The following DLG2 variants were observed in gnomAD, a reference collection of about 807,000 sequenced individuals.
DLG2 encodes the protein discs large MAGUK scaffold protein 2.
In DLG2, 45 loss-of-function variants were observed where a neutral mutation model predicts 132.5. The ratio of observed to expected loss-of-function variants is 0.34; its 90% CI spans 0.27 to 0.44. The LOEUF (loss-of-function observed/expected upper bound fraction) is 0.44, where lower values mean the gene tolerates loss of function less well. DLG2 is among the 20% of genes least tolerant of loss of function. DLG2 has a pLI of 1.00. For missense variants in DLG2, 1,045 were observed against 1,196.9 expected (o/e 0.87, Z 1.87); for synonymous variants, 424 against 419.6 (o/e 1.01, Z -0.13).
At chr11:85,255,716 G>C (rs1270901497) in intron 4 of DLG2, among the ~76,000 whole-genome samples, 1 of 152,020 alleles carries the variant, frequency 6.6e-6, no homozygotes, top group Non-Finnish European at 1.5e-5. Context: ...TTATATGTTT[G>C]GTCTTTGCAT....
chr11:84,718,946 T>A (rs907519571), intron 6 of DLG2, among the ~76,000 whole-genome samples: 2 of 152,148 alleles, frequency 1.3e-5, no homozygotes, highest in Admixed American at 6.6e-5. Flanking sequence ...GTGTAACCTA[T>A]CATATTGAGT....
At chr11:84,727,656 G>A (rs1329838287) in intron 6 of DLG2, among the ~76,000 whole-genome samples, 2 of 152,044 alleles carry the variant, frequency 1.3e-5, no homozygotes, top group Non-Finnish European at 2.9e-5. Context: ...TAGGTTGATG[G>A]AGATAGCACT....
At chr11:84,714,595 T>TC (rs2060895785) in intron 6 of DLG2, among the ~76,000 whole-genome samples, 8 of 103,888 alleles carry the variant, frequency 7.7e-5, no homozygotes, top group African/African-American at 3.2e-4. Flanking sequence ...CTCTTTCTCT[T>TC]TCTTTCTCTT....
intron 7 of DLG2, among the ~76,000 whole-genome samples, chr11:84,509,693 A>G (rs547053530): frequency 2.0e-5 from 3 of 152,336 alleles, no homozygotes; most frequent in Admixed American, 6.5e-5. Flanking sequence ...TACAAAATCT[A>G]TATGTTTAAA....
In DLG2 at chr11:84,720,507, G is replaced by A. The variant is rs78670750; in HGVS notation, c.358-185776C>T. ...GCTGCCGCTTCGATCACTGCCCCCT[G>A]CACCCGCCGTGGCCATCCCGGAGCC... On this transcript the variant is annotated intron_variant, in intron 6 of 27. Coordinates refer to ENST00000376104, the MANE Select transcript of DLG2 (RefSeq NM_001142699.3). The A allele has an allele frequency of 4.0e-3, 3,970 of 984,530 alleles. 123 individuals carry two copies. The African/African-American group carries it at 0.063, about 16-fold the overall frequency. The allele number at this position is 984,530 out of a possible 1,614,324, so 61.0% of individuals were successfully genotyped here.
chr11:84,084,403 G>A (rs926418781), intron 10 of DLG2, among the ~76,000 whole-genome samples: 1 of 152,166 alleles, frequency 6.6e-6, no homozygotes, highest in African/African-American at 2.4e-5. Context: ...GGATAGTGGT[G>A]GGGGAGAGGG....
At chr11:83,987,347 T>C (rs1212471805) in intron 11 of DLG2, among the ~76,000 whole-genome samples, 2 of 152,148 alleles carry the variant, frequency 1.3e-5, no homozygotes, top group South Asian at 2.1e-4. Flanking sequence ...AAAAAACTAC[T>C]TTAAAGTTCA....
chr11:83,479,703 A>T (rs999324577), intron 22 of DLG2, among the ~76,000 whole-genome samples: 1 of 152,098 alleles, frequency 6.6e-6, no homozygotes, highest in Non-Finnish European at 1.5e-5. Flanking sequence ...AAAGACCAGA[A>T]ATAACTTTTA....
intron 17 of DLG2, among the ~76,000 whole-genome samples, chr11:83,831,872 G>A (rs1479550694): frequency 6.6e-6 from 1 of 151,906 alleles, no homozygotes; most frequent in Non-Finnish European, 1.5e-5. Flanking sequence ...GAAGGAGACA[G>A]CCAATAAATA....
At chr11:85,426,314 C>T (rs182411297) in intron 3 of DLG2, among the ~76,000 whole-genome samples, 135 of 152,266 alleles carry the variant, frequency 8.9e-4, no homozygotes, top group African/African-American at 2.9e-3. Context: ...CATCTGAGAA[C>T]GGACAGACTG....
intron 6 of DLG2, among the ~76,000 whole-genome samples, chr11:84,819,076 T>TAC (rs111644735): frequency 0.017 from 2,148 of 129,504 alleles, 56 homozygotes; most frequent in African/African-American, 0.044. Flanking sequence ...CACTCACAAA[T>TAC]ACACACACAC....
At chr11:84,755,615 G>T (rs1385702049) in intron 6 of DLG2, among the ~76,000 whole-genome samples, 4 of 152,142 alleles carry the variant, frequency 2.6e-5, no homozygotes, top group Non-Finnish European at 5.9e-5. Context: ...AGTGGAGACG[G>T]GGTTACACCG....
chr11:83,975,190 G>A (rs1459445696), intron 12 of DLG2, among the ~76,000 whole-genome samples: 1 of 151,914 alleles, frequency 6.6e-6, no homozygotes, highest in Non-Finnish European at 1.5e-5. Context: ...GCTTAATAAA[G>A]CCAATATGTG....
rs1198186234 is a variant in DLG2 at position 83,643,931 on chromosome 11, GTC to G, written c.1826-10608_1826-10607del. Among the ~76,000 whole-genome samples, 3 of 151,678 alleles carry G rather than the reference GTC, an allele frequency of 2.0e-5. No individual in the cohort carries two copies. In the East Asian group the frequency reaches 5.8e-4, roughly 29 times the overall value. On this transcript the variant is annotated intron_variant, in intron 18 of 27. Coordinates refer to ENST00000376104, the MANE Select transcript of DLG2 (RefSeq NM_001142699.3). The stretch of plus-strand genomic sequence containing the variant: ...TCCTGACATGAACATGTCCATGGCT[GTC>G]TCAGACTTGTTTGGTTACCCTAAGT...
At chr11:84,410,574 C>CTTTTTTTTTTTTTTTTTTTTTTT (rs367980167) in intron 7 of DLG2, among the ~76,000 whole-genome samples, 1 of 109,128 alleles carries the variant, frequency 9.2e-6, no homozygotes, top group Non-Finnish European at 1.8e-5. Flanking sequence ...ACCACATAAA[C>CTTTTTTTTTTTTTTTTTTTTTTT]TTTTTTTTTT....
chr11:84,970,998 T>A (rs372602172), intron 6 of DLG2, among the ~76,000 whole-genome samples: 1 of 152,164 alleles, frequency 6.6e-6, no homozygotes, highest in Non-Finnish European at 1.5e-5. Flanking sequence ...TTTAAATTAC[T>A]TGGGGTATAA....
intron 7 of DLG2, among the ~76,000 whole-genome samples, chr11:84,533,706 G>T (rs2099348221): frequency 6.6e-6 from 1 of 151,856 alleles, no homozygotes; most frequent in South Asian, 2.1e-4. Flanking sequence ...GTGTAGAAGT[G>T]CTGGCAAAAT....
chr11:84,213,546 G>A (rs760973211), intron 8 of DLG2, among the ~76,000 whole-genome samples: 6 of 152,134 alleles, frequency 3.9e-5, no homozygotes, highest in South Asian at 2.1e-4. Context: ...GAGGCCAGGC[G>A]CGGTGGCTCA....
At chr11:85,306,640 G>A (rs2079963006) in intron 3 of DLG2, among the ~76,000 whole-genome samples, 1 of 152,090 alleles carries the variant, frequency 6.6e-6, no homozygotes, top group Admixed American at 6.5e-5. Context: ...GTACGATCTT[G>A]GCTCACTGCA....
Sources: allele counts gnomAD v4.1 joint callset (sites outside exome capture counted in the v4.1 genomes callset), GRCh38; gene constraint gnomAD v4.1.1; transcripts MANE v1.5; gene names NCBI Gene and HGNC (gene_info 2026-07-23, HGNC 2026-07-21).